PCDH11X: variants seen among roughly 807,000 people sequenced by gnomAD.
The protein encoded by PCDH11X is protocadherin-11 X-linked.
PCDH11X carries 18 observed loss-of-function variants against 53.3 expected under a neutral mutation model. The observed-to-expected ratio is 0.34, with a 90% CI of 0.23 to 0.50. The LOEUF is 0.50. Ranked by LOEUF, PCDH11X falls within the 20% of genes least tolerant of loss-of-function variation. PCDH11X has a pLI of 0.98. For missense variants in PCDH11X, 570 were observed against 1,032.4 expected, an observed-to-expected ratio of 0.55 and a Z score of 6.14; for synonymous variants, 279 against 393.3, an observed-to-expected ratio of 0.71 and a Z score of 3.44.
intron 8 of PCDH11X, among the ~76,000 whole-genome samples, chrX:92,278,806 GTTTTT>G (rs35000823): frequency 1.7e-3 from 79 of 47,376 alleles, no homozygotes; most frequent in African/African-American, 6.7e-3. Context: ...TCTCTTTTCA[GTTTTT>G]TTTTTTTTTT....
At chrX:92,522,999 A>C (rs955490719) in intron 10 of PCDH11X, among the ~76,000 whole-genome samples, 1 of 111,533 alleles carries the variant, frequency 9.0e-6, no homozygotes, top group Non-Finnish European at 1.9e-5. Context: ...AATCTGCCAT[A>C]GATGGGCCAT....
At chrX:92,452,968 AC>A (rs2072830970) in intron 9 of PCDH11X, among the ~76,000 whole-genome samples, 1 of 85,399 alleles carries the variant, frequency 1.2e-5, no homozygotes, top group Non-Finnish European at 2.2e-5. Context: ...CCCCTCTTTT[AC>A]AAGTTACCTT....
At chrX:91,991,638 T>A (rs2062327284) in intron 6 of PCDH11X, among the ~76,000 whole-genome samples, 1 of 105,967 alleles carries the variant, frequency 9.4e-6, no homozygotes, top group Admixed American at 1.0e-4. Flanking sequence ...GGATTGATGT[T>A]CTCAGGAACT....
At chrX:92,449,039 A>G (rs1428026777) in intron 9 of PCDH11X, among the ~76,000 whole-genome samples, 2 of 111,818 alleles carry the variant, frequency 1.8e-5, no homozygotes, top group Non-Finnish European at 3.8e-5. Flanking sequence ...TTATAATGTA[A>G]TATGTCATTA....
chrX:91,995,670 T>C (rs1178845522), intron 6 of PCDH11X, among the ~76,000 whole-genome samples: 1 of 111,052 alleles, frequency 9.0e-6, no homozygotes. Context: ...TCTGAGGTTT[T>C]TGTGGTTCCA....
intron 6 of PCDH11X, among the ~76,000 whole-genome samples, chrX:92,178,537 T>A (rs778957881): frequency 8.9e-6 from 1 of 112,000 alleles, no homozygotes; most frequent in African/African-American, 3.2e-5. Flanking sequence ...AATGTATACA[T>A]TGAACTACAT....
chrX:92,275,538 AG>A lies in PCDH11X; in HGVS notation c.3144+12396del, dbSNP rs2068067326. 2.7e-5 allele frequency among the ~76,000 whole-genome samples: 3 copies of A among 111,467 alleles called. No individual in the cohort carries two copies. In the East Asian group the frequency reaches 8.5e-4, roughly 32 times the overall value. Reference sequence around the variant, plus strand: ...GATGAAGGGTGCAAAGGAATAGTAAAGAAAGCATGTTTGAGATCCAGAACAG... The same window carrying A: ...GATGAAGGGTGCAAAGGAATAGTAAAAAAGCATGTTTGAGATCCAGAACAG... On this transcript the variant is annotated intron_variant, in intron 8 of 10. Coordinates refer to ENST00000682573, the MANE Select transcript of PCDH11X (RefSeq NM_032968.5).
intron 7 of PCDH11X, among the ~76,000 whole-genome samples, chrX:92,258,190 C>T (rs749500772): frequency 9.1e-5 from 10 of 110,447 alleles, no homozygotes; most frequent in African/African-American, 3.3e-4. Flanking sequence ...GGAGCAGTCT[C>T]CTGAGGCTGT....
intron 6 of PCDH11X, among the ~76,000 whole-genome samples, chrX:92,123,771 C>T (rs1334451644): frequency 5.6e-5 from 6 of 106,658 alleles, no homozygotes; most frequent in Non-Finnish European, 7.6e-5. Context: ...TCTCATCAAT[C>T]ACATTCTTCT....
chrX:92,384,052 T>C (rs770355816), intron 8 of PCDH11X, among the ~76,000 whole-genome samples: 2 of 112,519 alleles, frequency 1.8e-5, no homozygotes, highest in African/African-American at 6.5e-5. Flanking sequence ...ATTGTGGTTT[T>C]GATTTGCATT....
intron 10 of PCDH11X, among the ~76,000 whole-genome samples, chrX:92,528,222 C>A (rs1325103761): frequency 8.9e-6 from 1 of 112,605 alleles, no homozygotes; most frequent in Non-Finnish European, 1.9e-5. Flanking sequence ...TATATTCACA[C>A]ACACATATAC....
intron 6 of PCDH11X, among the ~76,000 whole-genome samples, chrX:92,049,129 T>A (rs1409582447): frequency 9.0e-6 from 1 of 110,730 alleles, no homozygotes; most frequent in Non-Finnish European, 1.9e-5. Context: ...TGTTTCTTAT[T>A]GGACCTAAAA....
chrX:92,084,896 A>T (rs1348751296), intron 6 of PCDH11X, among the ~76,000 whole-genome samples: 1 of 111,236 alleles, frequency 9.0e-6, no homozygotes, highest in African/African-American at 3.3e-5. Flanking sequence ...TATTCATTTC[A>T]TCACAGGCTT....
At chrX:92,542,223 GA>G (rs1369487979) in intron 10 of PCDH11X, among the ~76,000 whole-genome samples, 1 of 111,517 alleles carries the variant, frequency 9.0e-6, no homozygotes, top group Non-Finnish European at 1.9e-5. Context: ...TCTACCTGAT[GA>G]GTATTTTGGC....
chrX:92,090,413 T>C (rs1406161906), intron 6 of PCDH11X, among the ~76,000 whole-genome samples: 37 of 110,974 alleles, frequency 3.3e-4, no homozygotes, highest in Non-Finnish European at 1.9e-4. Flanking sequence ...TGTTTAAATT[T>C]ATAACCTCAT....
intron 10 of PCDH11X, among the ~76,000 whole-genome samples, chrX:92,587,868 C>T (rs2750610): frequency 0.037 from 4,046 of 110,693 alleles, 159 homozygotes; most frequent in African/African-American, 0.098. Context: ...AAATAATAAT[C>T]TCATTTCAAG....
At chrX:91,861,139 C>T (rs1047252449) in intron 5 of PCDH11X, among the ~76,000 whole-genome samples, 7 of 111,433 alleles carry the variant, frequency 6.3e-5, no homozygotes, top group Non-Finnish European at 1.3e-4. Flanking sequence ...CTATTTATTA[C>T]TCCTTCAATT....
intron 8 of PCDH11X, among the ~76,000 whole-genome samples, chrX:92,349,856 G>A (rs772615319): frequency 8.3e-5 from 9 of 108,313 alleles, no homozygotes; most frequent in African/African-American, 3.1e-4. Flanking sequence ...TTCTGAGGAC[G>A]GTAAGGTAGG....
chrX:91,827,105 C>A (rs1936951012), intron 4 of PCDH11X, among the ~76,000 whole-genome samples: 1 of 111,603 alleles, frequency 9.0e-6, no homozygotes, highest in African/African-American at 3.3e-5. Flanking sequence ...TCTCTTTTGT[C>A]TGCAACCTCG....
Sources: allele counts gnomAD v4.1 joint callset (sites outside exome capture counted in the v4.1 genomes callset), GRCh38; gene constraint gnomAD v4.1.1; transcripts MANE v1.5; gene names NCBI Gene and HGNC (gene_info 2026-07-23, HGNC 2026-07-21).